Variants in GPLD1 observed in about 807,000 individuals in gnomAD.
GPLD1 encodes the protein phosphatidylinositol-glycan-specific phospholipase D.
GPLD1 carries 84 observed loss-of-function variants against 112.6 expected under a neutral mutation model. The observed-to-expected ratio is 0.75, with a 90% CI of 0.63 to 0.89. The LOEUF is 0.89. GPLD1 is among the 40% of genes least tolerant of loss of function. The pLI, the probability that GPLD1 is intolerant of heterozygous loss-of-function variation, is 0.00. For missense variants in GPLD1, 1,044 were observed against 1,051.5 expected, an observed-to-expected ratio of 0.99 and a Z score of 0.10; for synonymous variants, 386 against 403.8, an observed-to-expected ratio of 0.96 and a Z score of 0.53.
chr6:24,425,430 T>C (rs1376871387), downstream of GPLD1: 1 of 152,236 alleles, frequency 6.6e-6, no homozygotes, highest in Non-Finnish European at 1.5e-5. Flanking sequence ...AACTACCTCA[T>C]AAGTCTGATA....
chr6:24,457,405 C>T (rs1214455473), intron 12 of GPLD1, among the ~76,000 whole-genome samples: 1 of 151,820 alleles, frequency 6.6e-6, no homozygotes, highest in Non-Finnish European at 1.5e-5. Context: ...CACCTGCATC[C>T]AAGAGGTTGA....
Position 24,486,119 on chromosome 6 carries a change from G to C in GPLD1, c.109C>G (p.Leu37Val). 6.3e-7 allele frequency: 1 copy of C among 1,582,170 alleles called. No individual in the cohort carries two copies. The highest frequency in any genetic ancestry group is 1.1e-5 in the South Asian group (1 of 89,580). ...CCATTGTGAAGCTGAAGAAACTCCA[G>C]AGCTCTGTGTCCTGAGAGAAATAAA... ...STHVEIGHRA[L>V]EFLQLHNGRV... Residue 37 changes from leucine to valine, a missense_variant, in exon 2 of 25, where the codon CTG (leucine) becomes GTG (valine). Transcript: ENST00000230036.
At chr6:24,495,267 G>A, upstream of GPLD1, 1 of 1,532,488 alleles carries the variant, frequency 6.5e-7, no homozygotes, top group African/African-American at 1.4e-5. Context: ...GGGCATGGTA[G>A]CCGACTGCGG....
At chr6:24,458,673 G>C (rs1016155662) in intron 12 of GPLD1, among the ~76,000 whole-genome samples, 1 of 152,196 alleles carries the variant, frequency 6.6e-6, no homozygotes, top group African/African-American at 2.4e-5. Context: ...AAGGTCAGGA[G>C]TTCAAGACCA....
intron 1 of GPLD1, among the ~76,000 whole-genome samples, chr6:24,486,735 T>C (rs1764389404): frequency 6.6e-6 from 1 of 151,986 alleles, no homozygotes; most frequent in African/African-American, 2.4e-5. Flanking sequence ...GGGGAATCAC[T>C]TGAACCCAGG....
intron 2 of GPLD1, among the ~76,000 whole-genome samples, chr6:24,483,628 C>G (rs1207244576): frequency 1.3e-5 from 2 of 151,732 alleles, no homozygotes; most frequent in East Asian, 3.9e-4. Context: ...GATCACACCA[C>G]TGCACTCCAG....
chr6:24,441,910 A>G (rs1236654109), intron 20 of GPLD1, among the ~76,000 whole-genome samples: 1 of 151,262 alleles, frequency 6.6e-6, no homozygotes, highest in Non-Finnish European at 1.5e-5. Flanking sequence ...GGTGAAATAT[A>G]TCAATAACAA....
At chr6:24,459,249 ATTT>A (rs58847403) in intron 12 of GPLD1, among the ~76,000 whole-genome samples, 3 of 150,674 alleles carry the variant, frequency 2.0e-5, no homozygotes, top group African/African-American at 7.3e-5. Flanking sequence ...TCTCCCTGCT[ATTT>A]TTTTTTTGTT....
chr6:24,468,547 ATTTT>A (rs893653060), intron 7 of GPLD1, among the ~76,000 whole-genome samples: 1 of 150,480 alleles, frequency 6.6e-6, no homozygotes, highest in Admixed American at 6.6e-5. Context: ...CATTTTACTT[ATTTT>A]TTTATTTTTA....
intron 20 of GPLD1, among the ~76,000 whole-genome samples, chr6:24,443,451 G>A (rs1762812554): frequency 6.6e-6 from 1 of 152,120 alleles, no homozygotes; most frequent in African/African-American, 2.4e-5. Context: ...CCTTCTGGGT[G>A]GCAAATGCAG....
intron 24 of GPLD1, among the ~76,000 whole-genome samples, chr6:24,432,645 T>C (rs935584608): frequency 2.0e-5 from 3 of 152,188 alleles, no homozygotes; most frequent in Non-Finnish European, 4.4e-5. Context: ...TGGAAGAAAA[T>C]AGCAAAATAC....
At chr6:24,476,404 T>C in intron 3 of GPLD1, 126 bp from the exon 4 acceptor site, 1 of 597,848 alleles carries the variant, frequency 1.7e-6, no homozygotes, top group South Asian at 2.1e-5. Flanking sequence ...CCTCAGTTTC[T>C]TCTGTCGACT....
intron 10 of GPLD1, among the ~76,000 whole-genome samples, chr6:24,463,604 C>A (rs1430213279): frequency 1.3e-5 from 2 of 152,210 alleles, no homozygotes; most frequent in East Asian, 3.8e-4. Context: ...GGCAGCCTTA[C>A]AGCATTAGCA....
At chr6:24,458,616 C>G (rs1044125470) in intron 12 of GPLD1, among the ~76,000 whole-genome samples, 1 of 152,210 alleles carries the variant, frequency 6.6e-6, no homozygotes, top group Non-Finnish European at 1.5e-5. Context: ...TGGTGGCTCA[C>G]GCCTGTAATC....
intron 3 of GPLD1, among the ~76,000 whole-genome samples, chr6:24,476,958 T>G (rs975783812): frequency 9.9e-5 from 15 of 152,190 alleles, no homozygotes; most frequent in African/African-American, 3.6e-4. Flanking sequence ...TTCAGATCCC[T>G]CAGTTCAATT....
At chr6:24,491,899 G>A (rs1764568245), upstream of GPLD1, among the ~76,000 whole-genome samples, 2 of 152,114 alleles carry the variant, frequency 1.3e-5, no homozygotes, top group African/African-American at 4.8e-5. Flanking sequence ...GTTTTATGAA[G>A]TTTGTATTAC....
At position 24,450,038 on chromosome 6, in the gene GPLD1, A is replaced by G. The variant is rs545956635; in HGVS notation, c.1336-139T>C. 1,544 of 593,294 alleles carry G rather than the reference A, an allele frequency of 2.6e-3. 2 individuals carry two copies. The highest frequency in any genetic ancestry group is 3.5e-3 in the Non-Finnish European group (1,158 of 331,444). 36.8% of individuals were successfully genotyped at this position (593,294 alleles called of 1,614,324 possible). A position where few individuals can be genotyped will look rare whatever the true frequency, so the allele number is the denominator to read the frequency against. ...AGCCGAAGGTGCAGTAAGCTATAAC[A>G]TATCTGCAACACATCAGTTAGGTAG... On this transcript the variant is annotated intron_variant, in intron 14 of 24. Transcript: ENST00000230036.
At chr6:24,475,643 G>A (rs149330881) in intron 4 of GPLD1, among the ~76,000 whole-genome samples, 13,419 of 141,180 alleles carry the variant, frequency 0.095, 828 homozygotes, top group South Asian at 0.15. Context: ...AGGAAATCGA[G>A]ACCATCCTGG....
chr6:24,485,261 G>C (rs943751697), intron 2 of GPLD1, among the ~76,000 whole-genome samples: 1 of 152,198 alleles, frequency 6.6e-6, no homozygotes, highest in African/African-American at 2.4e-5. Context: ...AGATGGGCCA[G>C]GCATAGTGGC....
Sources: gnomAD v4.1 joint callset for allele counts (sites outside exome capture counted in the v4.1 genomes callset) on GRCh38, gnomAD v4.1.1 for gene constraint, MANE v1.5 for transcripts, NCBI Gene and HGNC (gene_info 2026-07-23, HGNC 2026-07-21) for gene names.